The following PLCG2 variants were observed in gnomAD, a reference collection of about 807,000 sequenced individuals.
PLCG2 encodes the protein phospholipase C gamma 2.
Under a neutral mutation model 175.6 loss-of-function variants are expected in PLCG2, and 69 were observed. That is an observed-to-expected ratio of 0.39 (90% CI 0.32 to 0.48). PLCG2 has a LOEUF of 0.48. Ranked by LOEUF, PLCG2 falls within the 20% of genes least tolerant of loss-of-function variation. The probability of loss-of-function intolerance (pLI) is 0.91; values close to 1 mark genes in which losing one functional copy is unlikely to be tolerated. For synonymous variants in PLCG2, 827 were observed against 624.0 expected (o/e 1.33, Z -4.85); for missense variants, 1,798 against 1,650.9 (o/e 1.09, Z -1.54).
intron 26 of PLCG2, chr16:81,935,526 T>G (rs1205456106): frequency 3.9e-5 from 38 of 985,198 alleles, no homozygotes; most frequent in East Asian, 1.1e-4. Flanking sequence ...CTTCCATATC[T>G]TTCATCTTAG....
intron 30 of PLCG2, among the ~76,000 whole-genome samples, chr16:81,943,516 C>T (rs1911035725): frequency 6.6e-6 from 1 of 152,162 alleles, no homozygotes; most frequent in South Asian, 2.1e-4. Context: ...CAGTGGAGAT[C>T]ACAATTCAAC....
At chr16:81,924,642 T>G (rs927092197) in intron 22 of PLCG2, among the ~76,000 whole-genome samples, 2 of 152,232 alleles carry the variant, frequency 1.3e-5, no homozygotes, top group African/African-American at 4.8e-5. Context: ...GATGCCTTAA[T>G]CCAGGGATTA....
chr16:81,933,076 C>G (rs1259678375), intron 25 of PLCG2, among the ~76,000 whole-genome samples: 1 of 152,238 alleles, frequency 6.6e-6, no homozygotes, highest in Non-Finnish European at 1.5e-5. Flanking sequence ...TCCCCTGCCT[C>G]ACACCTCCTC....
chr16:81,921,759 AC>A (rs1910071357), intron 21 of PLCG2: 4 of 244,958 alleles, frequency 1.6e-5, no homozygotes. Context: ...CAGAGGAAGA[AC>A]CACAGCGAAT....
intron 3 of PLCG2, among the ~76,000 whole-genome samples, chr16:81,855,067 G>T (rs1020107286): frequency 6.6e-6 from 1 of 151,946 alleles, no homozygotes; most frequent in African/African-American, 2.4e-5. Flanking sequence ...AAAACTAGCT[G>T]GGTGTGGTGG....
At chr16:81,828,084 C>A (rs1271934595) in intron 2 of PLCG2, among the ~76,000 whole-genome samples, 3 of 139,592 alleles carry the variant, frequency 2.1e-5, no homozygotes, top group Non-Finnish European at 4.6e-5. Flanking sequence ...GAGCAAAACT[C>A]CGTCTCAAAA....
At chr16:81,885,226 G>T (rs558512746) in intron 9 of PLCG2, among the ~76,000 whole-genome samples, 1 of 152,274 alleles carries the variant, frequency 6.6e-6, no homozygotes, top group South Asian at 2.1e-4. Context: ...GTTTCACAAT[G>T]TTGGTCAGCC....
At chr16:81,754,957 T>C (rs1909891212) in intron 1 of PLCG2, among the ~76,000 whole-genome samples, 3 of 152,124 alleles carry the variant, frequency 2.0e-5, no homozygotes, top group South Asian at 2.1e-4. Flanking sequence ...TGAGAGAACA[T>C]TGGCAGAGGA....
At chr16:81,780,460 C>T (rs560992846) in intron 1 of PLCG2, among the ~76,000 whole-genome samples, 1 of 152,238 alleles carries the variant, frequency 6.6e-6, no homozygotes, top group Non-Finnish European at 1.5e-5. Flanking sequence ...TACAGTTCTG[C>T]GGGGAAGTTT....
At chr16:81,778,968 T>G (rs1910591265), upstream of PLCG2, among the ~76,000 whole-genome samples, 1 of 151,602 alleles carries the variant, frequency 6.6e-6, no homozygotes, top group South Asian at 2.1e-4. Context: ...GCCGGGAGTG[T>G]GTTAAGTATA....
chr16:81,798,428 T>A (rs2143232220), intron 2 of PLCG2: 1 of 152,372 alleles, frequency 6.6e-6, no homozygotes, highest in South Asian at 2.1e-4. Context: ...GACCTGAGCC[T>A]GGATATAAAA....
At chr16:81,804,760 T>C (rs975438038) in intron 2 of PLCG2, among the ~76,000 whole-genome samples, 9 of 152,200 alleles carry the variant, frequency 5.9e-5, no homozygotes, top group African/African-American at 2.2e-4. Context: ...TTTGAGCTCC[T>C]CTGCCTCCTC....
At chr16:81,874,965 T>G (rs1254697677) in intron 7 of PLCG2, among the ~76,000 whole-genome samples, 1 of 144,848 alleles carries the variant, frequency 6.9e-6, no homozygotes, top group Non-Finnish European at 1.5e-5. Flanking sequence ...TTTTTTTTTT[T>G]TTTTTTTTTT....
At chr16:81,762,995 T>C (rs929821362) in intron 2 of PLCG2, among the ~76,000 whole-genome samples, 1 of 152,178 alleles carries the variant, frequency 6.6e-6, no homozygotes, top group African/African-American at 2.4e-5. Flanking sequence ...AGTTAAAGGC[T>C]GCAGTGAGAT....
At position 81,956,892 on chromosome 16, in the gene PLCG2, C is replaced by T. The variant is rs1911592810; in HGVS notation, c.3755+13C>T. 1.2e-6 allele frequency: 2 copies of T among 1,608,240 alleles called. No homozygotes were observed. Among genetic ancestry groups the T allele is most frequent in the Admixed American group, 1.7e-5 (1 of 59,692 alleles). ...AATGCAACAAGAGGTAGGTCAGCCC[C>T]TCCACCTGCAAAAACTTTTGGGGGG... is the stretch of plus-strand genomic sequence containing the variant. On this transcript the variant is annotated intron_variant, in intron 32 of 32. Coordinates refer to ENST00000564138, the MANE Select transcript of PLCG2 (RefSeq NM_002661.5).
chr16:81,777,946 G>A (rs1402783203), upstream of PLCG2, among the ~76,000 whole-genome samples: 2 of 150,358 alleles, frequency 1.3e-5, no homozygotes, highest in African/African-American at 2.4e-5. Context: ...AAACCTGGGA[G>A]GTGGAGGTTG....
intron 2 of PLCG2, among the ~76,000 whole-genome samples, chr16:81,851,616 G>C (rs147418247): frequency 1.3e-5 from 2 of 152,234 alleles, no homozygotes; most frequent in East Asian, 3.9e-4. Flanking sequence ...GAGTTCAGGC[G>C]ATTCTTCTGC....
intron 31 of PLCG2, among the ~76,000 whole-genome samples, chr16:81,952,335 T>G (rs932224054): frequency 6.6e-6 from 1 of 152,162 alleles, no homozygotes; most frequent in African/African-American, 2.4e-5. Context: ...ATACATATCC[T>G]AGCTCACTCT....
chr16:81,804,348 T>A (rs1016541404), intron 2 of PLCG2, among the ~76,000 whole-genome samples: 2 of 152,224 alleles, frequency 1.3e-5, no homozygotes, highest in Non-Finnish European at 2.9e-5. Flanking sequence ...TTCTAAACAT[T>A]GGCTTTCTGT....
Sources: gnomAD v4.1 joint callset for allele counts (sites outside exome capture counted in the v4.1 genomes callset) on GRCh38, gnomAD v4.1.1 for gene constraint, MANE v1.5 for transcripts, NCBI Gene and HGNC (gene_info 2026-07-23, HGNC 2026-07-21) for gene names.